PPP2R2B: variants seen among roughly 807,000 people sequenced by gnomAD.
PPP2R2B encodes serine/threonine-protein phosphatase 2A 55 kDa regulatory subunit B beta isoform.
Under a neutral mutation model 46.0 loss-of-function variants are expected in PPP2R2B, and 5 were observed. That is an observed-to-expected ratio of 0.11 (90% confidence interval 0.06 to 0.23). The LOEUF (loss-of-function observed/expected upper bound fraction) is 0.23. PPP2R2B is among the 10% of genes least tolerant of loss of function. PPP2R2B has a pLI of 1.00. For missense variants in PPP2R2B, 367 were observed against 575.0 expected (o/e 0.64, Z 3.70); for synonymous variants, 215 against 206.7 (o/e 1.04, Z -0.34).
At chr5:147,009,477 A>G (rs922563943) in intron 1 of PPP2R2B, among the ~76,000 whole-genome samples, 1 of 152,146 alleles carries the variant, frequency 6.6e-6, no homozygotes, top group African/African-American at 2.4e-5. Context: ...TGAAATTCTA[A>G]TACTTAATCT....
At chr5:147,028,820 A>G (rs1278212008) in intron 1 of PPP2R2B, among the ~76,000 whole-genome samples, 4 of 152,216 alleles carry the variant, frequency 2.6e-5, no homozygotes, top group Admixed American at 2.6e-4. Flanking sequence ...TAGTATCACA[A>G]TATCCTTAAC....
intron 1 of PPP2R2B, among the ~76,000 whole-genome samples, chr5:146,945,790 T>C (rs908893077): frequency 6.6e-6 from 1 of 152,180 alleles, no homozygotes; most frequent in East Asian, 1.9e-4. Context: ...TGTAAGGCAA[T>C]TCGATTTGAG....
At chr5:146,995,626 T>C (rs1021909324) in intron 1 of PPP2R2B, among the ~76,000 whole-genome samples, 1 of 152,234 alleles carries the variant, frequency 6.6e-6, no homozygotes, top group Non-Finnish European at 1.5e-5. Flanking sequence ...TTTCCTGCAT[T>C]GCTACTACAT....
intron 1 of PPP2R2B, among the ~76,000 whole-genome samples, chr5:146,938,751 CTTTTTTTTTTTT>C (rs33961672): frequency 1.1e-4 from 7 of 65,926 alleles, no homozygotes; most frequent in East Asian, 5.6e-4. Context: ...AGATAATAGC[CTTTTTTTTTTTT>C]TTTTTTTTTT....
intron 1 of PPP2R2B, among the ~76,000 whole-genome samples, chr5:146,884,089 GTTTT>G (rs372611320): frequency 0.03 from 3,151 of 104,646 alleles, 85 homozygotes; most frequent in African/African-American, 0.11. Context: ...TAAATTCAGG[GTTTT>G]TTTTTTTTTT....
At chr5:146,608,283 ACT>A (rs1772494750) in intron 7 of PPP2R2B, among the ~76,000 whole-genome samples, 1 of 152,128 alleles carries the variant, frequency 6.6e-6, no homozygotes, top group Non-Finnish European at 1.5e-5. Flanking sequence ...TTCTGCTTAA[ACT>A]GCAAATTTCT....
chr5:146,688,729 G>C (rs992852408), intron 5 of PPP2R2B, among the ~76,000 whole-genome samples: 1 of 152,024 alleles, frequency 6.6e-6, no homozygotes, highest in Non-Finnish European at 1.5e-5. Flanking sequence ...TCATAGGGAT[G>C]GAATTCTCCC....
chr5:146,589,846 G>GAAATT lies in PPP2R2B; in HGVS notation c.*96_*100dup, dbSNP rs1770422348. On this transcript the variant is annotated 3_prime_UTR_variant, in exon 10 of 10. Transcript: ENST00000394411. ...CTATTCCAATCATTTCCTGTATAGG[G>GAAATT]AAATTAAAGTCAATGCATCAAATGA... 3 of 1,174,492 alleles carry GAAATT rather than the reference G, an allele frequency of 2.6e-6. No individual in the cohort carries two copies. The highest frequency in any genetic ancestry group is 2.4e-6 in the Non-Finnish European group (2 of 821,352). 72.8% of individuals were successfully genotyped at this position (1,174,492 alleles called of 1,614,324 possible). A position where few individuals can be genotyped will look rare whatever the true frequency, so the allele number is the denominator to read the frequency against.
At chr5:147,006,166 G>T (rs559179208) in intron 1 of PPP2R2B, among the ~76,000 whole-genome samples, 8 of 152,284 alleles carry the variant, frequency 5.3e-5, no homozygotes, top group African/African-American at 1.9e-4. Context: ...GGAAAAAGAC[G>T]CAATGGGTAC....
intron 7 of PPP2R2B, among the ~76,000 whole-genome samples, chr5:146,630,509 C>T (rs1774353781): frequency 6.6e-6 from 1 of 152,202 alleles, no homozygotes; most frequent in Admixed American, 6.5e-5. Flanking sequence ...TCAACTTCAT[C>T]ACTTGCTCTT....
chr5:146,967,831 A>AG (rs1449313112), intron 1 of PPP2R2B, among the ~76,000 whole-genome samples: 1 of 152,164 alleles, frequency 6.6e-6, no homozygotes, highest in Non-Finnish European at 1.5e-5. Context: ...GCAATTCCCT[A>AG]GGGGTACATG....
At chr5:146,750,615 A>C (rs1402437431) in intron 2 of PPP2R2B, among the ~76,000 whole-genome samples, 1 of 152,226 alleles carries the variant, frequency 6.6e-6, no homozygotes, top group East Asian at 1.9e-4. Context: ...ACTTGAGCTC[A>C]GCATTAGAAA....
At chr5:146,684,280 A>G (rs1222854616) in intron 5 of PPP2R2B, among the ~76,000 whole-genome samples, 1 of 152,244 alleles carries the variant, frequency 6.6e-6, no homozygotes, top group Non-Finnish European at 1.5e-5. Flanking sequence ...GGCCTCAGTT[A>G]TCAAAGCATA....
intron 2 of PPP2R2B, among the ~76,000 whole-genome samples, chr5:146,704,163 A>C (rs1249704129): frequency 1.3e-5 from 2 of 152,192 alleles, no homozygotes; most frequent in African/African-American, 4.8e-5. Flanking sequence ...CTGTTTAATA[A>C]TTGATGCAAA....
intron 2 of PPP2R2B, among the ~76,000 whole-genome samples, chr5:146,718,356 A>G (rs867386382): frequency 1.3e-5 from 2 of 152,014 alleles, no homozygotes; most frequent in Middle Eastern, 3.4e-3. Context: ...CCACTGTACT[A>G]CAGCCTGGGT....
intron 1 of PPP2R2B, among the ~76,000 whole-genome samples, chr5:147,051,398 T>C (rs1272577765): frequency 6.6e-6 from 1 of 152,208 alleles, no homozygotes; most frequent in African/African-American, 2.4e-5. Context: ...TTCATGGTGC[T>C]GAAGCTGCTT....
chr5:146,885,418 T>C (rs1762290210), intron 1 of PPP2R2B, among the ~76,000 whole-genome samples: 1 of 152,200 alleles, frequency 6.6e-6, no homozygotes, highest in Non-Finnish European at 1.5e-5. Context: ...ACCGCTAGAT[T>C]CTTACTTGTC....
chr5:146,638,710 G>T (rs1273249118), intron 6 of PPP2R2B, among the ~76,000 whole-genome samples: 1 of 152,150 alleles, frequency 6.6e-6, no homozygotes, highest in Non-Finnish European at 1.5e-5. Context: ...AAAGTTAACT[G>T]CTTGTGCAAT....
chr5:146,753,139 G>A (rs974378938), intron 2 of PPP2R2B, among the ~76,000 whole-genome samples: 1 of 152,196 alleles, frequency 6.6e-6, no homozygotes, highest in Non-Finnish European at 1.5e-5. Context: ...ATGAGCAGCT[G>A]CTCCATGACA....
Sources: gnomAD v4.1 joint callset for allele counts (sites outside exome capture counted in the v4.1 genomes callset) on GRCh38, gnomAD v4.1.1 for gene constraint, MANE v1.5 for transcripts, NCBI Gene and HGNC (gene_info 2026-07-23, HGNC 2026-07-21) for gene names.